Variants in SOX5 observed in about 807,000 individuals in gnomAD.
The protein encoded by SOX5 is SRY-box transcription factor 5.
In SOX5, 9 loss-of-function variants were observed where a neutral mutation model predicts 92.0. The observed-to-expected ratio is 0.10, with a 90% CI of 0.06 to 0.17. The LOEUF is 0.17. Ranked by LOEUF, SOX5 falls within the 10% of genes least tolerant of loss-of-function variation. The probability of loss-of-function intolerance (pLI) is 1.00; values close to 1 mark genes in which losing one functional copy is unlikely to be tolerated. For missense variants in SOX5, 642 were observed against 944.5 expected (o/e 0.68, Z 4.20); for synonymous variants, 344 against 336.3 (o/e 1.02, Z -0.25).
intron 4 of SOX5, among the ~76,000 whole-genome samples, chr12:24,041,016 A>G (rs1175112599): frequency 3.3e-5 from 5 of 152,230 alleles, no homozygotes; most frequent in Non-Finnish European, 7.3e-5. Flanking sequence ...AGCACTTAAT[A>G]AGTTAAATAC....
At chr12:23,661,476 G>A (rs923287154) in intron 7 of SOX5, among the ~76,000 whole-genome samples, 9 of 152,018 alleles carry the variant, frequency 5.9e-5, no homozygotes, top group Non-Finnish European at 1.2e-4. Flanking sequence ...CTCAAATGTC[G>A]CTCTCAAGTA....
chr12:24,350,896 T>C (rs1953993996), intron 2 of SOX5, among the ~76,000 whole-genome samples: 2 of 151,946 alleles, frequency 1.3e-5, no homozygotes, highest in Non-Finnish European at 2.9e-5. Context: ...CTACTTAAAA[T>C]ATAAAAATTA....
chr12:24,440,958 C>A (rs1940458523), intron 1 of SOX5, among the ~76,000 whole-genome samples: 1 of 152,156 alleles, frequency 6.6e-6, no homozygotes, highest in Admixed American at 6.5e-5. Flanking sequence ...TTGCCATGAC[C>A]TGGGTCACAT....
chr12:23,893,327 T>C (rs1247529141), intron 2 of SOX5, among the ~76,000 whole-genome samples: 3 of 151,982 alleles, frequency 2.0e-5, no homozygotes, highest in African/African-American at 7.3e-5. Flanking sequence ...GGGCCTGTAA[T>C]CCCAGCTACT....
upstream of SOX5, among the ~76,000 whole-genome samples, chr12:23,952,281 T>C (rs1487859833): frequency 6.6e-6 from 1 of 152,048 alleles, no homozygotes; most frequent in Non-Finnish European, 1.5e-5. Context: ...ACAAAGATAA[T>C]GGCCATAAGG....
chr12:23,592,364 G>T (rs1214778289), intron 9 of SOX5, among the ~76,000 whole-genome samples: 2 of 152,064 alleles, frequency 1.3e-5, no homozygotes, highest in East Asian at 3.9e-4. Flanking sequence ...AAACTGTTGG[G>T]TTCTGAAAAA....
intron 1 of SOX5, among the ~76,000 whole-genome samples, chr12:24,492,564 T>C (rs1947201242): frequency 6.6e-6 from 1 of 152,124 alleles, no homozygotes; most frequent in African/African-American, 2.4e-5. Flanking sequence ...TAAAGTTGCT[T>C]TGAAAAGTCA....
chr12:24,401,708 T>TAAAAA (rs71063321), intron 1 of SOX5, among the ~76,000 whole-genome samples: 26 of 99,448 alleles, frequency 2.6e-4, no homozygotes, highest in African/African-American at 9.0e-4. Context: ...ACCCTATCTT[T>TAAAAA]AAAAAAAAAA....
chr12:24,065,714 A>G (rs1363730835), intron 4 of SOX5, among the ~76,000 whole-genome samples: 1 of 152,116 alleles, frequency 6.6e-6, no homozygotes, highest in Admixed American at 6.6e-5. Flanking sequence ...AATGAGTTCA[A>G]CGCTAAAGTC....
intron 4 of SOX5, among the ~76,000 whole-genome samples, chr12:24,095,122 C>CAGAGAG (rs1375437943): frequency 0.057 from 5,280 of 93,088 alleles, 119 homozygotes; most frequent in Non-Finnish European, 0.086. Flanking sequence ...CACACACACA[C>CAGAGAG]ACACACAGAG....
At chr12:23,564,893 T>G (rs1946807127) in intron 10 of SOX5, among the ~76,000 whole-genome samples, 1 of 152,214 alleles carries the variant, frequency 6.6e-6, no homozygotes, top group Non-Finnish European at 1.5e-5. Context: ...ACGTTTCTAT[T>G]GAAGAAACCG....
At chr12:24,289,380 T>C (rs947054580) in intron 2 of SOX5, among the ~76,000 whole-genome samples, 52 of 152,108 alleles carry the variant, frequency 3.4e-4, no homozygotes, top group Admixed American at 3.2e-3. Context: ...TCTGAATCTC[T>C]TGCGTTTCTG....
chr12:24,448,734 C>A (rs908045217), intron 1 of SOX5, among the ~76,000 whole-genome samples: 4 of 151,984 alleles, frequency 2.6e-5, no homozygotes, highest in Non-Finnish European at 2.9e-5. Context: ...GTGGGTAGAC[C>A]TTTTTAACTA....
intron 1 of SOX5, among the ~76,000 whole-genome samples, chr12:24,455,141 C>A (rs1035893943): frequency 6.6e-6 from 1 of 152,156 alleles, no homozygotes; most frequent in African/African-American, 2.4e-5. Context: ...TTTGTTAGAA[C>A]ATAAAATACC....
At chr12:23,582,221 T>TGG in intron 9 of SOX5, 1 of 985,112 alleles carries the variant, frequency 1.0e-6, no homozygotes, top group Non-Finnish European at 1.2e-6. Flanking sequence ...CTATGGACTG[T>TGG]GGGAGCCCTC....
intron 1 of SOX5, among the ~76,000 whole-genome samples, chr12:24,515,412 T>C (rs189262111): frequency 6.6e-6 from 1 of 152,352 alleles, no homozygotes; most frequent in Admixed American, 6.5e-5. Context: ...ATTATTATTA[T>C]TGTTAATCTA....
At chr12:23,838,805 A>T (rs954956499) in intron 3 of SOX5, among the ~76,000 whole-genome samples, 2 of 129,488 alleles carry the variant, frequency 1.5e-5, no homozygotes, top group African/African-American at 6.0e-5. Context: ...TTCTTACTAG[A>T]TATTACCCTT....
At chr12:23,887,409 A>G (rs7963266) in intron 2 of SOX5, among the ~76,000 whole-genome samples, 141,391 of 152,302 alleles carry the variant, frequency 0.93, 65,700 homozygotes, top group East Asian at 1. Context: ...AAACAAAATT[A>G]TATAATAAAG....
chr12:23,699,720 A>C (rs865807535), intron 6 of SOX5, among the ~76,000 whole-genome samples: 20 of 152,186 alleles, frequency 1.3e-4, no homozygotes, highest in South Asian at 1.2e-3. Flanking sequence ...CTTAAGTGGA[A>C]GTCTTGGGAA....
Sources: allele counts gnomAD v4.1 joint callset (sites outside exome capture counted in the v4.1 genomes callset), GRCh38; gene constraint gnomAD v4.1.1; transcripts MANE v1.5; gene names NCBI Gene and HGNC (gene_info 2026-07-23, HGNC 2026-07-21).